Variants in LRRC41 observed in about 807,000 individuals in gnomAD.
LRRC41 encodes the protein leucine-rich repeat-containing protein 41.
Under a neutral mutation model 72.1 loss-of-function variants are expected in LRRC41, and 17 were observed. The observed-to-expected ratio is 0.24, with a 90% CI of 0.16 to 0.35. The LOEUF (loss-of-function observed/expected upper bound fraction) is 0.35, where lower values mean the gene tolerates loss of function less well. LRRC41 is among the 10% of genes least tolerant of loss of function. LRRC41 has a pLI of 1.00. For missense variants in LRRC41, 759 were observed against 1,065.0 expected (o/e 0.71, Z 4.00); for synonymous variants, 427 against 431.0 (o/e 0.99, Z 0.11).
At chr1:46,291,249 C>T (rs758237729) in intron 3 of LRRC41, among the ~76,000 whole-genome samples, 73 of 152,062 alleles carry the variant, frequency 4.8e-4, no homozygotes, top group Non-Finnish European at 8.7e-4. Context: ...TTATATTAAA[C>T]TCTTCTGTAA....
In LRRC41 at chr1:46,298,306, A is replaced by G. The variant is rs1344818779; in HGVS notation, c.264T>C (p.Ile88=). The G allele has an allele frequency of 1.2e-6, 2 of 1,611,928 alleles. No individual in the cohort carries two copies. The highest frequency in any genetic ancestry group is 3.3e-5 in the Admixed American group (2 of 59,784). ...CACCTTTCTTGAGGGCAGTTTCCTC[A>G]ATCCTCTCCAAGTAATATATATTGA... ...PLLNIYYLER[I]EETALKKGLS... The change falls in exon 2 of 10, where the codon ATT becomes ATC. Residue 88 remains isoleucine (I), a synonymous_variant. Transcript: ENST00000617190.
At chr1:46,280,994 G>C in intron 5 of LRRC41, 131 bp downstream of exon 5, 2 of 1,271,210 alleles carry the variant, frequency 1.6e-6, no homozygotes, top group Non-Finnish European at 2.2e-6. Context: ...TCTAAAGGGG[G>C]GATAGGTTCC....
rs746935554 is a variant in LRRC41, at chr1:46,291,852, G to A, written c.358-5353C>T. 7.3e-5 allele frequency among the ~76,000 whole-genome samples: 11 copies of A among 150,414 alleles called. No individual in the cohort carries two copies. In the East Asian group the frequency reaches 8.1e-4, roughly 11 times the overall value. Reference sequence around the variant, plus strand: ...TGGGATTACAGGTGGGAGCCACCACGCCCAGCCTAAATTTTCTGGGGAGGA... The same window carrying A: ...TGGGATTACAGGTGGGAGCCACCACACCCAGCCTAAATTTTCTGGGGAGGA... On this transcript the variant is annotated intron_variant, in intron 3 of 9. Coordinates refer to ENST00000617190, the MANE Select transcript of LRRC41 (RefSeq NM_006369.5).
At chr1:46,284,591 G>T (rs1318569317) in intron 4 of LRRC41, among the ~76,000 whole-genome samples, 1 of 152,074 alleles carries the variant, frequency 6.6e-6, no homozygotes, top group Non-Finnish European at 1.5e-5. Flanking sequence ...TAGAAAGGAT[G>T]GTGGTCTCTT....
intron 5 of LRRC41, 102 bp downstream of exon 5, chr1:46,281,022 GT>G: frequency 6.7e-7 from 1 of 1,484,928 alleles, no homozygotes; most frequent in African/African-American, 1.4e-5. Context: ...CCAGGAATGA[GT>G]GATAGAAGAG....
rs1332760737 is a variant in LRRC41, at chr1:46,286,636, GTATT to G, written c.358-141_358-138del. 2 of 840,144 alleles carry G rather than the reference GTATT, an allele frequency of 2.4e-6. No homozygotes were observed. The highest frequency in any genetic ancestry group is 5.3e-5 in the East Asian group (2 of 37,586). 52.0% of individuals were successfully genotyped at this position (840,144 alleles called of 1,614,324 possible). ...TTTAATCTTCACATCTCTGAGGTAT[GTATT>G]ATTATTAGCCCTATTTTACAGGTAA... is the stretch of plus-strand genomic sequence containing the variant. On this transcript the variant is annotated intron_variant, in intron 3 of 9. Coordinates refer to ENST00000617190, the MANE Select transcript of LRRC41 (RefSeq NM_006369.5). The surrounding 1 kb of genome is among the most constrained non-coding windows in gnomAD (Gnocchi z 5.5).
intron 3 of LRRC41, among the ~76,000 whole-genome samples, chr1:46,287,915 G>A (rs182262132): frequency 2.4e-4 from 36 of 152,252 alleles, no homozygotes; most frequent in Admixed American, 2.0e-3. Context: ...TTATTTTGAC[G>A]GATAGGAAAT....
chr1:46,295,017 T>C (rs561253435), intron 3 of LRRC41, among the ~76,000 whole-genome samples: 1 of 152,316 alleles, frequency 6.6e-6, no homozygotes, highest in South Asian at 2.1e-4. Context: ...ATTTATTCAT[T>C]GCTTTTTCTC....
Position 46,303,209 on chromosome 1 carries a change from C to G in LRRC41, c.114G>C (p.Ser38=), listed in dbSNP as rs779808463. The G allele has an allele frequency of 6.4e-7, 1 of 1,567,122 alleles. No homozygotes were observed. Among genetic ancestry groups the G allele is most frequent in the Non-Finnish European group, 8.6e-7 (1 of 1,160,236 alleles). The change falls in exon 1 of 10, where the codon TCG becomes TCC. Residue 38 remains serine, a synonymous_variant. Coordinates refer to ENST00000617190, the MANE Select transcript of LRRC41 (RefSeq NM_006369.5). The stretch of plus-strand genomic sequence containing the variant: ...ACAGGGCGGGGGGAGCGTTGGGGCC[C>G]GAGGCCGAGCTCTTCGCTGGCGCCG... ...REAAPAKSSA[S]GPNAPPALFE...
rs749067892 is a variant in LRRC41, at chr1:46,279,226, A to G, written c.2175T>C (p.Val725=). 21 of 1,614,066 alleles carry G rather than the reference A, an allele frequency of 1.3e-5. No individual in the cohort carries two copies. In the South Asian group the frequency reaches 2.0e-4, roughly 15 times the overall value. The change falls in exon 9 of 10, where the codon GTT becomes GTC. Residue 725 remains valine, a synonymous_variant. Coordinates refer to ENST00000617190, the MANE Select transcript of LRRC41 (RefSeq NM_006369.5). The surrounding 1 kb of genome is among the most constrained non-coding windows in gnomAD (Gnocchi z 4.5). ...GAGAGGAGGATGAATCCTCTGAGAA[A>G]ACATCTGCCAAGGCCAGCAGGCCAG... The part of the protein sequence containing the change: ...GNAGLLALAD[V]FSEDSSSSLC...
At chr1:46,282,412 T>C (rs1413138535) in intron 4 of LRRC41, among the ~76,000 whole-genome samples, 1 of 152,222 alleles carries the variant, frequency 6.6e-6, no homozygotes, top group East Asian at 1.9e-4. Flanking sequence ...CTCCTGTTCA[T>C]TCATTCAACT....
intron 3 of LRRC41, among the ~76,000 whole-genome samples, chr1:46,292,013 A>G (rs1432276491): frequency 6.6e-6 from 1 of 151,802 alleles, no homozygotes; most frequent in Non-Finnish European, 1.5e-5. Context: ...CGCCCAGCTA[A>G]TTTTTAAAAA....
chr1:46,278,123 T>C lies in LRRC41; in HGVS notation c.*742A>G, dbSNP rs1306812144. ...GCCGTCAGATCCGGCCACCCCCTGATGGTTCTGACTGCACTTCAGACCTGG... is the reference window on the plus strand; with the variant it reads ...GCCGTCAGATCCGGCCACCCCCTGACGGTTCTGACTGCACTTCAGACCTGG... On this transcript the variant is annotated 3_prime_UTR_variant, in exon 10 of 10. Transcript: ENST00000617190. 6.2e-7 allele frequency: 1 copy of C among 1,613,864 alleles called. No homozygotes were observed. The highest frequency in any genetic ancestry group is 1.3e-5 in the African/African-American group (1 of 74,944).
chr1:46,290,253 G>C (rs925046062), intron 3 of LRRC41, among the ~76,000 whole-genome samples: 2 of 152,088 alleles, frequency 1.3e-5, no homozygotes, highest in Non-Finnish European at 1.5e-5. Context: ...ACTAAAAATA[G>C]AAAAAATGTA....
Position 46,279,681 on chromosome 1 carries a change from G to T in LRRC41, c.2021-67C>A, listed in dbSNP as rs752311662. ...GACTGGTGCTGCCCCTCCTGCCCCAGTTGGCCCTAGCAAGGGGTATTAACA... is the reference window on the plus strand; with the variant it reads ...GACTGGTGCTGCCCCTCCTGCCCCATTTGGCCCTAGCAAGGGGTATTAACA... On this transcript the variant is annotated intron_variant, in intron 7 of 9. Transcript: ENST00000617190. The surrounding 1 kb of genome is among the most constrained non-coding windows in gnomAD (Gnocchi z 4.5). 1,289 of 1,601,056 alleles carry T rather than the reference G, an allele frequency of 8.1e-4. 3 individuals carry two copies. Among genetic ancestry groups the T allele is most frequent in the South Asian group, 9.8e-4 (88 of 89,734 alleles).
chr1:46,298,032 G>A (rs1661158017), intron 2 of LRRC41, among the ~76,000 whole-genome samples: 1 of 152,156 alleles, frequency 6.6e-6, no homozygotes, highest in African/African-American at 2.4e-5. Context: ...AGATTCACAA[G>A]ATATGGGTTG....
chr1:46,287,789 G>A (rs1362577592), intron 3 of LRRC41, among the ~76,000 whole-genome samples: 4 of 152,208 alleles, frequency 2.6e-5, no homozygotes, highest in Non-Finnish European at 5.9e-5. Flanking sequence ...AGGCTGGTAT[G>A]TTGTCTCATG....
Position 46,302,691 on chromosome 1 carries a change from C to A in LRRC41, c.199+433G>T, listed in dbSNP as rs555186257. 5 of 985,272 alleles carry A rather than the reference C, an allele frequency of 5.1e-6. No individual in the cohort carries two copies. In the African/African-American group the frequency reaches 7.0e-5, roughly 14 times the overall value. 61.0% of individuals were successfully genotyped at this position (985,272 alleles called of 1,614,324 possible). On this transcript the variant is annotated intron_variant, in intron 1 of 9. Transcript: ENST00000617190. The surrounding 1 kb of genome is among the most constrained non-coding windows in gnomAD (Gnocchi z 4.7). ...TCAGGTTCGGTGGCCCCGGGCCTGG[C>A]CTGGCCTTGCCTTAGGCCGGGCCTC...
rs1661270491 is a variant in LRRC41, at chr1:46,302,778, G to C, written c.199+346C>G. The C allele has an allele frequency of 4.1e-6, 4 of 985,246 alleles. No homozygotes were observed. The highest frequency in any genetic ancestry group is 4.8e-6 in the Non-Finnish European group (4 of 829,858). 61.0% of individuals were successfully genotyped at this position (985,246 alleles called of 1,614,324 possible). ...CGCTGCCCACCGGTTCGACATCCGA[G>C]ACTCTCCTGCCCGGCCCAGCCGAGT... On this transcript the variant is annotated intron_variant, in intron 1 of 9. Transcript: ENST00000617190. This position sits in a 1 kb window ranked among gnomAD's most constrained non-coding sequence, Gnocchi z 4.7.
Sources: allele counts gnomAD v4.1 joint callset (sites outside exome capture counted in the v4.1 genomes callset), GRCh38; gene constraint gnomAD v4.1.1; non-coding constraint Gnocchi (gnomAD v3.1); transcripts MANE v1.5; gene names NCBI Gene and HGNC (gene_info 2026-07-23, HGNC 2026-07-21).